The following PCDHA3 variants were observed in gnomAD, a reference collection of about 807,000 sequenced individuals.
PCDHA3 encodes the protein protocadherin alpha-3.
PCDHA3 carries 41 observed loss-of-function variants against 62.2 expected under a neutral mutation model. The ratio of observed to expected loss-of-function variants is 0.66; its 90% CI spans 0.51 to 0.86. The LOEUF (loss-of-function observed/expected upper bound fraction) is 0.86. Among genes scored for constraint, PCDHA3 ranks in the 40% least tolerant of loss-of-function variants. The pLI is 0.00. For synonymous variants in PCDHA3, 640 were observed against 555.4 expected, an observed-to-expected ratio of 1.15 and a Z score of -2.14; for missense variants, 1,304 against 1,241.2, an observed-to-expected ratio of 1.05 and a Z score of -0.76.
chr5:140,818,984 A>G (rs1254064756), intron 1 of PCDHA3, among the ~76,000 whole-genome samples: 1 of 152,256 alleles, frequency 6.6e-6, no homozygotes, highest in African/African-American at 2.4e-5. Flanking sequence ...AACTATTCTC[A>G]TATTTTCTAT....
intron 1 of PCDHA3, among the ~76,000 whole-genome samples, chr5:140,899,002 G>T (rs1265936919): frequency 7.2e-4 from 110 of 151,880 alleles, no homozygotes; most frequent in African/African-American, 2.6e-3. Context: ...GTCTGTTATT[G>T]GTGTATAAGA....
At chr5:140,933,501 G>A (rs1320553451) in intron 1 of PCDHA3, among the ~76,000 whole-genome samples, 2 of 151,978 alleles carry the variant, frequency 1.3e-5, no homozygotes, top group Non-Finnish European at 2.9e-5. Flanking sequence ...GAATTGTTAA[G>A]CAAAGACTAC....
intron 1 of PCDHA3, among the ~76,000 whole-genome samples, chr5:140,914,458 A>G (rs1294717004): frequency 6.6e-6 from 1 of 152,004 alleles, no homozygotes; most frequent in Non-Finnish European, 1.5e-5. Flanking sequence ...TTTCCAGTCT[A>G]TGTGTATCTT....
chr5:140,842,962 C>T lies in PCDHA3; in HGVS notation c.2394+39371C>T, dbSNP rs1554139576. 1.9e-6 allele frequency: 3 copies of T among 1,594,834 alleles called. 1 individual carries two copies. The African/African-American group carries it at 4.0e-5, about 21-fold the overall frequency. On this transcript the variant is annotated intron_variant, in intron 1 of 3. Transcript: ENST00000522353. ...ACGCGGGCGTGCCGCCTCTGGGCAG[C>T]AACGTGACGCTGCAGGTGTTCGTGC...
chr5:140,852,729 T>C, intron 1 of PCDHA3: 1 of 983,952 alleles, frequency 1.0e-6, no homozygotes, highest in South Asian at 4.8e-5. Flanking sequence ...TTTTTCAAGT[T>C]TCATGTGCCA....
chr5:140,992,971 T>C (rs1186217726), intron 3 of PCDHA3, among the ~76,000 whole-genome samples: 17 of 152,166 alleles, frequency 1.1e-4, no homozygotes, highest in Admixed American at 1.1e-3. Flanking sequence ...CTGCTGACAA[T>C]GATTAGGCCA....
intron 3 of PCDHA3, among the ~76,000 whole-genome samples, chr5:140,994,912 A>G (rs2097655532): frequency 6.6e-6 from 1 of 152,222 alleles, no homozygotes; most frequent in Admixed American, 6.5e-5. Flanking sequence ...GTAGACTGGA[A>G]TCAGATTTTG....
At position 140,849,456 on chromosome 5, in the gene PCDHA3, G is replaced by A. The variant is rs148680565; in HGVS notation, c.2394+45865G>A. On this transcript the variant is annotated intron_variant, in intron 1 of 3. Transcript: ENST00000522353. ...AAGTAGAGCACACAAGATCCCAGTC[G>A]AGGCTGTCGATAAAGGCTTCCCACC... The A allele has an allele frequency of 1.5e-5, 24 of 1,587,206 alleles. 3 individuals carry two copies. Among genetic ancestry groups the A allele is most frequent in the Non-Finnish European group, 1.8e-5 (21 of 1,161,294 alleles).
At chr5:140,870,692 T>C (rs1321391908) in intron 1 of PCDHA3, 2 of 1,612,828 alleles carry the variant, frequency 1.2e-6, no homozygotes, top group African/African-American at 1.3e-5. Flanking sequence ...CTGGAGCTGC[T>C]ACAGTTCCAG....
intron 1 of PCDHA3, among the ~76,000 whole-genome samples, chr5:140,935,451 T>C (rs2090381894): frequency 6.6e-6 from 1 of 152,232 alleles, no homozygotes; most frequent in African/African-American, 2.4e-5. Context: ...AATATGATAC[T>C]GTAGCAGTTT....
chr5:140,828,219 C>A (rs2150152527), intron 1 of PCDHA3: 4 of 1,614,022 alleles, frequency 2.5e-6, no homozygotes, highest in East Asian at 2.2e-5. Context: ...AAACACGGCA[C>A]CTTCGTGGGC....
chr5:140,926,884 A>G, intron 1 of PCDHA3: 7 of 1,542,402 alleles, frequency 4.5e-6, no homozygotes, highest in Non-Finnish European at 6.1e-6. Flanking sequence ...GTGGACGCCT[A>G]GAGGGAGGAT....
At chr5:140,936,875 C>A (rs1052156307) in intron 1 of PCDHA3, among the ~76,000 whole-genome samples, 1 of 151,950 alleles carries the variant, frequency 6.6e-6, no homozygotes, top group South Asian at 2.1e-4. Context: ...TTTAAAAAAC[C>A]CTGCTTTGAT....
At chr5:140,841,683 T>C in intron 1 of PCDHA3, 1 of 1,613,816 alleles carries the variant, frequency 6.2e-7, no homozygotes, top group South Asian at 1.1e-5. Flanking sequence ...CATGTGGACG[T>C]GGAGGTGAAG....
chr5:140,889,561 C>A (rs1170749193), intron 1 of PCDHA3, among the ~76,000 whole-genome samples: 1 of 151,898 alleles, frequency 6.6e-6, no homozygotes, highest in African/African-American at 2.4e-5. Flanking sequence ...CTTCAGAATT[C>A]TGCTTTCTGA....
chr5:140,948,461 A>G (rs2094256529), intron 1 of PCDHA3, among the ~76,000 whole-genome samples: 1 of 151,516 alleles, frequency 6.6e-6, no homozygotes, highest in Admixed American at 6.6e-5. Flanking sequence ...TCTTTTAGGG[A>G]AAGTTTCTGA....
At chr5:140,890,356 T>C (rs139351817) in intron 1 of PCDHA3, among the ~76,000 whole-genome samples, 50 of 152,308 alleles carry the variant, frequency 3.3e-4, no homozygotes, top group African/African-American at 1.2e-3. Context: ...TATATAGCAA[T>C]GGATAACCTG....
In PCDHA3 at chr5:140,828,269, G is replaced by A. The variant is rs201116419; in HGVS notation, c.2394+24678G>A. The A allele has an allele frequency of 1.1e-4, 175 of 1,613,940 alleles. No individual in the cohort carries two copies. The highest frequency in any genetic ancestry group is 8.3e-5 in the Admixed American group (5 of 60,012). On this transcript the variant is annotated intron_variant, in intron 1 of 3. Transcript: ENST00000522353. ...CCTGGGGCTGGAGCTGGCGGAGCTG[G>A]TGCCGCGCCTGTTCAGGATGGCCTC...
intron 1 of PCDHA3, chr5:140,836,141 C>G (rs2150253789): frequency 3.1e-6 from 5 of 1,613,766 alleles, no homozygotes; most frequent in Non-Finnish European, 4.2e-6. Flanking sequence ...GGTCTGTGGG[C>G]GCGGGCCATG....
Sources: allele counts gnomAD v4.1 joint callset (sites outside exome capture counted in the v4.1 genomes callset), GRCh38; gene constraint gnomAD v4.1.1; transcripts MANE v1.5; gene names NCBI Gene and HGNC (gene_info 2026-07-23, HGNC 2026-07-21).